RBFOX1: variants seen among roughly 807,000 people sequenced by gnomAD.
RBFOX1 encodes RNA binding fox-1 homolog 1, also known as RNA binding protein fox-1 homolog 1.
RBFOX1 carries 8 observed loss-of-function variants against 57.7 expected under a neutral mutation model. That is an observed-to-expected ratio of 0.14 (90% CI 0.08 to 0.25). The LOEUF (loss-of-function observed/expected upper bound fraction) is 0.25, where lower values mean the gene tolerates loss of function less well. Among genes scored for constraint, RBFOX1 ranks in the 10% least tolerant of loss-of-function variants. RBFOX1 has a pLI of 1.00. For missense variants in RBFOX1, 611 were observed against 548.5 expected (o/e 1.11, Z -1.14); for synonymous variants, 326 against 222.4 (o/e 1.47, Z -4.15).
At chr16:7,437,134 T>G (rs928931017) in intron 4 of RBFOX1, among the ~76,000 whole-genome samples, 1 of 152,286 alleles carries the variant, frequency 6.6e-6, no homozygotes, top group South Asian at 2.1e-4. Flanking sequence ...CAGGGCTCTC[T>G]GATTTGCCAT....
At chr16:6,998,418 T>A (rs2092454168) in intron 3 of RBFOX1, among the ~76,000 whole-genome samples, 1 of 152,014 alleles carries the variant, frequency 6.6e-6, no homozygotes, top group Non-Finnish European at 1.5e-5. Flanking sequence ...ATGAAGCCAG[T>A]GAGACACAGA....
intron 4 of RBFOX1, among the ~76,000 whole-genome samples, chr16:7,270,307 T>C (rs2095286578): frequency 6.6e-6 from 1 of 152,214 alleles, no homozygotes; most frequent in African/African-American, 2.4e-5. Context: ...GAAGCATCTG[T>C]CTGGTTTTTA....
At chr16:7,284,078 G>C (rs1404140853) in intron 4 of RBFOX1, among the ~76,000 whole-genome samples, 1 of 152,146 alleles carries the variant, frequency 6.6e-6, no homozygotes, top group Non-Finnish European at 1.5e-5. Flanking sequence ...TAATGGATTT[G>C]AGATTCATCC....
At chr16:5,783,710 T>A (rs1440479958) in intron 3 of RBFOX1, among the ~76,000 whole-genome samples, 1 of 152,226 alleles carries the variant, frequency 6.6e-6, no homozygotes, top group East Asian at 1.9e-4. Context: ...GTTTAATGGT[T>A]GTCTAAAATT....
Position 5,689,443 on chromosome 16 carries a change from C to A in RBFOX1, c.318+90482C>A, listed in dbSNP as rs114978496. 5.3e-3 allele frequency among the ~76,000 whole-genome samples: 800 copies of A among 152,114 alleles called. 5 individuals carry two copies. Among genetic ancestry groups the A allele is most frequent in the African/African-American group, 0.018 (766 of 41,502 alleles). ...AATTTGGTGATGAGGGTGGGGAAAG[C>A]GGAGGATAGGACTAGTTGCCTGCTC... On this transcript the variant is annotated intron_variant, in intron 3 of 19. Transcript: ENST00000641259.
At chr16:6,966,443 G>T (rs988619535) in intron 3 of RBFOX1, among the ~76,000 whole-genome samples, 29 of 152,168 alleles carry the variant, frequency 1.9e-4, no homozygotes, top group Non-Finnish European at 4.4e-5. Context: ...CCTGGGCGAG[G>T]TGGAGGGGTG....
At chr16:6,963,843 C>T (rs1011872245) in intron 3 of RBFOX1, among the ~76,000 whole-genome samples, 33 of 151,262 alleles carry the variant, frequency 2.2e-4, no homozygotes, top group Admixed American at 4.6e-4. Flanking sequence ...GGGCTACAGG[C>T]GCACACCACC....
chr16:7,085,939 C>A (rs933804607), intron 4 of RBFOX1, among the ~76,000 whole-genome samples: 1 of 152,106 alleles, frequency 6.6e-6, no homozygotes, highest in African/African-American at 2.4e-5. Context: ...GATTCATGGG[C>A]TCTAAAATGT....
intron 2 of RBFOX1, among the ~76,000 whole-genome samples, chr16:5,589,772 G>A (rs1424500767): frequency 2.0e-5 from 3 of 152,130 alleles, no homozygotes; most frequent in Non-Finnish European, 1.5e-5. Context: ...CACTTTCCCA[G>A]GACTCACACA....
At chr16:7,530,829 A>C (rs1205564930) in intron 5 of RBFOX1, among the ~76,000 whole-genome samples, 1 of 152,218 alleles carries the variant, frequency 6.6e-6, no homozygotes, top group Non-Finnish European at 1.5e-5. Flanking sequence ...TAAGCCAGAC[A>C]GTCTGGAGAT....
intron 1 of RBFOX1, among the ~76,000 whole-genome samples, chr16:6,094,467 C>G (rs2096219500): frequency 6.6e-6 from 1 of 152,036 alleles, no homozygotes; most frequent in Non-Finnish European, 1.5e-5. Context: ...CTAAAGTCAC[C>G]AAGAGAGAAA....
At chr16:6,525,170 A>G (rs1025065659) in intron 2 of RBFOX1, among the ~76,000 whole-genome samples, 2 of 152,206 alleles carry the variant, frequency 1.3e-5, no homozygotes, top group Non-Finnish European at 2.9e-5. Context: ...ATCCTGAACT[A>G]TAGTAAGTGT....
chr16:7,709,161 TCCTCCTG>T, intron 15 of RBFOX1, 30 bp downstream of exon 15: 1 of 1,561,932 alleles, frequency 6.4e-7, no homozygotes, highest in Non-Finnish European at 8.8e-7. Flanking sequence ...TGTCCTCACT[TCCTCCTG>T]CCTCCCTTCC....
intron 4 of RBFOX1, among the ~76,000 whole-genome samples, chr16:6,004,826 G>A (rs1266485507): frequency 6.6e-6 from 1 of 152,138 alleles, no homozygotes; most frequent in African/African-American, 2.4e-5. Flanking sequence ...ACATTTGAAT[G>A]TCCTTTCTGA....
chr16:7,329,292 C>T (rs887529228), intron 4 of RBFOX1, among the ~76,000 whole-genome samples: 2 of 152,212 alleles, frequency 1.3e-5, no homozygotes, highest in African/African-American at 4.8e-5. Context: ...AGAACTGCCC[C>T]ACTCTCCTTT....
intron 4 of RBFOX1, among the ~76,000 whole-genome samples, chr16:7,114,674 G>A (rs184942654): frequency 7.2e-5 from 11 of 152,248 alleles, no homozygotes; most frequent in South Asian, 2.1e-4. Context: ...TTCTTCCCCT[G>A]CCTCTCTGGA....
At chr16:5,735,637 C>T (rs573006949) in intron 3 of RBFOX1, among the ~76,000 whole-genome samples, 1 of 152,266 alleles carries the variant, frequency 6.6e-6, no homozygotes, top group South Asian at 2.1e-4. Context: ...TGGTTCACGC[C>T]TATAATCTCA....
intron 4 of RBFOX1, among the ~76,000 whole-genome samples, chr16:7,460,367 C>CAAAA (rs201733820): frequency 6.2e-4 from 29 of 46,704 alleles, no homozygotes; most frequent in African/African-American, 2.9e-3. Context: ...AATCATTTAG[C>CAAAA]AAAATATATA....
intron 3 of RBFOX1, among the ~76,000 whole-genome samples, chr16:6,990,034 C>T (rs1291735888): frequency 6.6e-6 from 1 of 152,108 alleles, no homozygotes; most frequent in African/African-American, 2.4e-5. Context: ...CTGCAAACTA[C>T]TTGAAATATG....
Sources: allele counts gnomAD v4.1 joint callset (sites outside exome capture counted in the v4.1 genomes callset), GRCh38; gene constraint gnomAD v4.1.1; transcripts MANE v1.5; gene names NCBI Gene and HGNC (gene_info 2026-07-23, HGNC 2026-07-21).